The following SPTBN1 variants were observed in gnomAD, a reference collection of about 807,000 sequenced individuals.
SPTBN1 encodes spectrin beta chain, non-erythrocytic 1.
A neutral mutation model predicts 266.4 loss-of-function variants in SPTBN1; 32 were observed. The observed-to-expected ratio is 0.12, with a 90% CI of 0.09 to 0.16. The LOEUF is 0.16. SPTBN1 is among the 10% of genes least tolerant of loss of function. The probability of loss-of-function intolerance (pLI) is 1.00; values close to 1 mark genes in which losing one functional copy is unlikely to be tolerated. For synonymous variants in SPTBN1, 1,336 were observed against 1,162.2 expected (o/e 1.15, Z -3.04); for missense variants, 2,296 against 3,067.1 (o/e 0.75, Z 5.94).
chr2:54,598,946 C>T lies in SPTBN1; in HGVS notation c.149-146C>T, dbSNP rs1485221588. ...CAGTGTTCTTTCTCAAAGACATGAC[C>T]GCAGTTAAGGGGCGCTAAGTAGAGG... is the stretch of plus-strand genomic sequence containing the variant. On this transcript the variant is annotated intron_variant, in intron 2 of 35. Transcript: ENST00000356805. 43 of 761,742 alleles carry T rather than the reference C, an allele frequency of 5.6e-5. 1 individual carries two copies. The highest frequency in any genetic ancestry group is 2.8e-4 in the East Asian group (11 of 38,730). The allele number at this position is 761,742 out of a possible 1,614,324, so 47.2% of individuals were successfully genotyped here.
chr2:54,477,400 C>CT (rs34731938), intron 1 of SPTBN1, among the ~76,000 whole-genome samples: 4,820 of 142,976 alleles, frequency 0.034, 247 homozygotes, highest in African/African-American at 0.11. Flanking sequence ...GTGGCATTAC[C>CT]TTTTTTTTTT....
intron 9 of SPTBN1, 31 bp from the exon 10 acceptor site, chr2:54,623,448 G>C: frequency 6.2e-7 from 1 of 1,601,722 alleles, no homozygotes; most frequent in Non-Finnish European, 8.5e-7. Context: ...TTTTTCTCCA[G>C]TACCAAATGA....
chr2:54,665,877 C>G lies in SPTBN1; in HGVS notation c.6660-38C>G, dbSNP rs375290558. The G allele has an allele frequency of 9.7e-5, 154 of 1,583,822 alleles. 4 individuals are homozygous for G. Among genetic ancestry groups the G allele is most frequent in the South Asian group, 9.5e-4 (81 of 85,696 alleles). On this transcript the variant is annotated intron_variant, in intron 33 of 35. Transcript: ENST00000356805. ...GTTCTTTAAGGGGAATGTGGTAGAGCCTTTATCTCCCCCTGCCCTTTTTTT... is the reference window on the plus strand; with the variant it reads ...GTTCTTTAAGGGGAATGTGGTAGAGGCTTTATCTCCCCCTGCCCTTTTTTT...
intron 2 of SPTBN1, chr2:54,527,536 G>A (rs1670892485): frequency 6.6e-6 from 1 of 152,110 alleles, no homozygotes. Flanking sequence ...AGGATTTATT[G>A]GTCACACAGT....
intron 1 of SPTBN1, 44 bp from the exon 2 acceptor site, chr2:54,526,328 A>G (rs1168953534): frequency 1.2e-5 from 18 of 1,525,364 alleles, no homozygotes; most frequent in African/African-American, 5.5e-5. Context: ...TGGGGACTGT[A>G]TACACTTCAG....
intron 1 of SPTBN1, among the ~76,000 whole-genome samples, chr2:54,458,577 G>A (rs572079253): frequency 1.3e-5 from 2 of 152,262 alleles, no homozygotes; most frequent in African/African-American, 4.8e-5. Flanking sequence ...AGCTGTGACT[G>A]GGGAGAGGGT....
chr2:54,659,833 C>T (rs1680917023), intron 31 of SPTBN1, 103 bp from the exon 32 acceptor site: 2 of 1,477,360 alleles, frequency 1.4e-6, no homozygotes, highest in Non-Finnish European at 9.0e-7. Context: ...GAAAAGGTTG[C>T]ACGTAATAAA....
At chr2:54,619,896 G>A (rs1321674565) in intron 7 of SPTBN1, among the ~76,000 whole-genome samples, 1 of 152,148 alleles carries the variant, frequency 6.6e-6, no homozygotes, top group Admixed American at 6.5e-5. Flanking sequence ...TTTAAATTAA[G>A]AGAAACAATT....
chr2:54,526,783 G>T (rs534211992), intron 2 of SPTBN1: 9 of 437,676 alleles, frequency 2.1e-5, no homozygotes, highest in African/African-American at 1.8e-4. Flanking sequence ...AGAGCACAGA[G>T]TGTTATTTAT....
At chr2:54,552,854 CTCACCCATGGTTTTCTAAG>C (rs1475340608) in intron 2 of SPTBN1, among the ~76,000 whole-genome samples, 1 of 152,228 alleles carries the variant, frequency 6.6e-6, no homozygotes, top group East Asian at 1.9e-4. Context: ...GAGAAGTGGT[CTCACCCATGGTTTTCTAAG>C]AGTAGTGTGA....
chr2:54,649,040 A>G lies in SPTBN1; in HGVS notation c.5052A>G (p.Lys1684=), dbSNP rs1199643874. 6.2e-7 allele frequency: 1 copy of G among 1,614,204 alleles called. No homozygotes were observed. Among genetic ancestry groups the G allele is most frequent in the Non-Finnish European group, 8.5e-7 (1 of 1,180,020 alleles). The part of the protein sequence containing the change: ...SKVDKLYAGL[K]DLAEERRGKL... ...TGGATAAACTGTACGCTGGTCTGAA[A>G]GACCTTGCTGAAGAGAGAAGAGGCA... Residue 1684 remains lysine (K), a synonymous_variant, in exon 25 of 36, where the codon AAA becomes AAG. Coordinates refer to ENST00000356805, the MANE Select transcript of SPTBN1 (RefSeq NM_003128.3). The surrounding 1 kb of genome is among the most constrained non-coding windows in gnomAD (Gnocchi z 6.7).
At chr2:54,535,857 C>G (rs1031770932) in intron 2 of SPTBN1, among the ~76,000 whole-genome samples, 2 of 152,150 alleles carry the variant, frequency 1.3e-5, no homozygotes, top group Admixed American at 1.3e-4. Context: ...ACTAAAAATA[C>G]AAAATGAGCC....
At chr2:54,623,169 A>G (rs938345845) in intron 9 of SPTBN1, among the ~76,000 whole-genome samples, 2 of 152,206 alleles carry the variant, frequency 1.3e-5, no homozygotes, top group Non-Finnish European at 2.9e-5. Flanking sequence ...TCCGTGTTGA[A>G]TGCATTCAGC....
Position 54,594,833 on chromosome 2 carries a change from C to CTTTTTTTTTTTTTTTTTT in SPTBN1, c.149-4258_149-4241dup, listed in dbSNP as rs71408777. Among the ~76,000 whole-genome samples the CTTTTTTTTTTTTTTTTTT allele has an allele frequency of 1.5e-4, 16 of 104,674 alleles. 3 individuals carry two copies. Among genetic ancestry groups the CTTTTTTTTTTTTTTTTTT allele is most frequent in the African/African-American group, 7.1e-4 (14 of 19,768 alleles). The allele number at this position is 104,674 out of a possible 152,430, so 68.7% of individuals were successfully genotyped here. A position where few individuals can be genotyped will look rare whatever the true frequency, so the allele number is the denominator to read the frequency against. On this transcript the variant is annotated intron_variant, in intron 2 of 35. Coordinates refer to ENST00000356805, the MANE Select transcript of SPTBN1 (RefSeq NM_003128.3). Reference sequence around the variant, plus strand: ...GATTCCATGACCCTCTGGTAAGTTTCTTTTTTTTTTTTTTTTTTGAGACAG... The same window carrying CTTTTTTTTTTTTTTTTTT: ...GATTCCATGACCCTCTGGTAAGTTTCTTTTTTTTTTTTTTTTTTTTTTTTTTTTTTTTTTTTGAGACAG...
intron 2 of SPTBN1, chr2:54,546,805 G>A (rs1573385363): frequency 6.6e-6 from 1 of 152,180 alleles, no homozygotes; most frequent in African/African-American, 2.4e-5. Context: ...AGATCAATGT[G>A]TTGGTTGACA....
intron 32 of SPTBN1, chr2:54,660,830 T>G: frequency 1.0e-6 from 1 of 985,488 alleles, no homozygotes; most frequent in African/African-American, 1.7e-5. Context: ...TCTCGCTCCC[T>G]GTCAGTGCTG....
chr2:54,632,266 C>T (rs6545435), intron 16 of SPTBN1, among the ~76,000 whole-genome samples: 34,234 of 151,832 alleles, frequency 0.23, 4,687 homozygotes, highest in African/African-American at 0.39. Context: ...ATGAAGGGTA[C>T]ATTGCTGTTG....
intron 8 of SPTBN1, 97 bp from the exon 9 acceptor site, chr2:54,622,203 C>A: frequency 7.6e-7 from 1 of 1,317,224 alleles, no homozygotes. Flanking sequence ...TGTTTCAAAG[C>A]CGGTCGTTTT....
intron 15 of SPTBN1, 48 bp downstream of exon 15, chr2:54,630,077 G>A: frequency 6.3e-7 from 1 of 1,590,390 alleles, no homozygotes; most frequent in Non-Finnish European, 8.6e-7. Context: ...GTGGGACTGG[G>A]GAGGGTGAGG....
Sources: gnomAD v4.1 joint callset for allele counts (sites outside exome capture counted in the v4.1 genomes callset) on GRCh38, gnomAD v4.1.1 for gene constraint, Gnocchi (gnomAD v3.1) non-coding constraint, MANE v1.5 for transcripts, NCBI Gene and HGNC (gene_info 2026-07-23, HGNC 2026-07-21) for gene names.